The following EIF4G3 variants were observed in gnomAD, a reference collection of about 807,000 sequenced individuals.
The protein encoded by EIF4G3 is eIF-4-gamma 3.
EIF4G3 carries 34 observed loss-of-function variants against 186.4 expected under a neutral mutation model. The ratio of observed to expected loss-of-function variants is 0.18; its 90% confidence interval spans 0.14 to 0.24. EIF4G3 has a LOEUF of 0.24. Among genes scored for constraint, EIF4G3 ranks in the 10% least tolerant of loss-of-function variants. The pLI is 1.00. For missense variants in EIF4G3, 1,536 were observed against 1,948.5 expected (o/e 0.79, Z 3.99); for synonymous variants, 673 against 679.5 (o/e 0.99, Z 0.15).
intron 2 of EIF4G3, among the ~76,000 whole-genome samples, chr1:21,140,370 G>A (rs1434383052): frequency 6.6e-6 from 1 of 152,116 alleles, no homozygotes; most frequent in Non-Finnish European, 1.5e-5. Flanking sequence ...CTGGAGTGCA[G>A]TAGCGTGATC....
At chr1:20,864,426 G>T in intron 22 of EIF4G3, 50 bp downstream of exon 22, 2 of 1,335,270 alleles carry the variant, frequency 1.5e-6, no homozygotes, top group Non-Finnish European at 2.1e-6. Flanking sequence ...AAGTTCTTTT[G>T]CAACTGACAA....
chr1:21,033,413 A>C (rs1571379675), intron 4 of EIF4G3, among the ~76,000 whole-genome samples: 2 of 152,310 alleles, frequency 1.3e-5, no homozygotes, highest in East Asian at 3.9e-4. Context: ...TTGAAACCTA[A>C]CAGCAGAGCA....
In EIF4G3 at chr1:20,806,807, T is replaced by A. The variant is rs1193049149; in HGVS notation, c.*512A>T. ...AGATTTGATGCCAAAAAAAAAAAAA[T>A]CTTTCTTACCTTGTTCACCCCAAAC... On this transcript the variant is annotated 3_prime_UTR_variant, in exon 37 of 37. Coordinates refer to ENST00000602326, the MANE Select transcript of EIF4G3 (RefSeq NM_001391906.1). The A allele has an allele frequency of 6.6e-6, 1 of 151,786 alleles. No individual in the cohort carries two copies. Among genetic ancestry groups the A allele is most frequent in the East Asian group, 2.0e-4 (1 of 5,106 alleles). 9.4% of individuals were successfully genotyped at this position (151,786 alleles called of 1,614,324 possible). A position where few individuals can be genotyped will look rare whatever the true frequency, so the allele number is the denominator to read the frequency against.
Position 20,810,679 on chromosome 1 carries a change from C to T in EIF4G3, c.4744+59G>A. ...TTCGAACCCTAAATCATCTCTAAGT[C>T]CTGGCTTGGATAAATCTCACTCATT... On this transcript the variant is annotated intron_variant, in intron 36 of 36. Coordinates refer to ENST00000602326, the MANE Select transcript of EIF4G3 (RefSeq NM_001391906.1). This position sits in a 1 kb window ranked among gnomAD's most constrained non-coding sequence, Gnocchi z 4.1. 3 of 1,571,002 alleles carry T rather than the reference C, an allele frequency of 1.9e-6. No individual in the cohort carries two copies. Among genetic ancestry groups the T allele is most frequent in the Non-Finnish European group, 2.6e-6 (3 of 1,144,110 alleles).
intron 2 of EIF4G3, among the ~76,000 whole-genome samples, chr1:21,142,676 T>C (rs2097360833): frequency 6.6e-6 from 1 of 152,206 alleles, no homozygotes; most frequent in South Asian, 2.1e-4. Flanking sequence ...CACAACCTTT[T>C]TACCCACTTC....
intron 14 of EIF4G3, among the ~76,000 whole-genome samples, chr1:20,911,454 C>T (rs2093185223): frequency 6.7e-6 from 1 of 148,202 alleles, no homozygotes; most frequent in South Asian, 2.1e-4. Flanking sequence ...CCCAGCTTCT[C>T]AGGAGGCTAA....
intron 20 of EIF4G3, among the ~76,000 whole-genome samples, chr1:20,865,589 T>C (rs905547445): frequency 7.2e-5 from 11 of 152,032 alleles, no homozygotes; most frequent in Non-Finnish European, 1.6e-4. Context: ...TGTAGAGTTA[T>C]TACTTCTTTT....
At chr1:20,851,529 C>G (rs1341587870) in intron 27 of EIF4G3, 51 bp from the exon 28 acceptor site, 1 of 1,546,426 alleles carries the variant, frequency 6.5e-7, no homozygotes, top group Non-Finnish European at 8.9e-7. Flanking sequence ...CCATGTCCCC[C>G]ACATATTCAA....
chr1:21,031,016 C>A (rs1426135387), intron 4 of EIF4G3, among the ~76,000 whole-genome samples: 1 of 151,700 alleles, frequency 6.6e-6, no homozygotes, highest in Non-Finnish European at 1.5e-5. Context: ...TGAAACTCCA[C>A]CCCTACTAAA....
chr1:20,854,408 G>T (rs2154550890), intron 26 of EIF4G3, among the ~76,000 whole-genome samples: 1 of 151,932 alleles, frequency 6.6e-6, no homozygotes, highest in East Asian at 1.9e-4. Flanking sequence ...AAAAATTAAG[G>T]TCTTAGTGGC....
At position 20,986,739 on chromosome 1, in the gene EIF4G3, G is replaced by A. The variant is rs552654141; in HGVS notation, c.178-4331C>T. On this transcript the variant is annotated intron_variant, in intron 7 of 36. Transcript: ENST00000602326. Reference sequence around the variant, plus strand: ...ACTCCAGCCTGGGCGACAGAGCTCTGTCTCCAAAAAAAAAAAAAAAAAAAA... The same window carrying A: ...ACTCCAGCCTGGGCGACAGAGCTCTATCTCCAAAAAAAAAAAAAAAAAAAA... 3.3e-3 allele frequency among the ~76,000 whole-genome samples: 192 copies of A among 57,820 alleles called. 1 individual carries two copies. The highest frequency in any genetic ancestry group is 0.032 in the Middle Eastern group (2 of 62). 37.9% of individuals were successfully genotyped at this position (57,820 alleles called of 152,430 possible). A position where few individuals can be genotyped will look rare whatever the true frequency, so the allele number is the denominator to read the frequency against.
At chr1:21,142,242 G>A (rs1314058248) in intron 2 of EIF4G3, among the ~76,000 whole-genome samples, 1 of 151,916 alleles carries the variant, frequency 6.6e-6, no homozygotes, top group Non-Finnish European at 1.5e-5. Context: ...GCTCATGCCT[G>A]TAATCCCAGC....
intron 2 of EIF4G3, among the ~76,000 whole-genome samples, chr1:21,100,624 A>C (rs749185790): frequency 2.6e-5 from 4 of 152,140 alleles, no homozygotes; most frequent in Admixed American, 1.3e-4. Flanking sequence ...ACTACTCAGG[A>C]GTCTGAGGCA....
At chr1:20,958,982 A>G (rs990462927) in intron 12 of EIF4G3, among the ~76,000 whole-genome samples, 3 of 152,204 alleles carry the variant, frequency 2.0e-5, no homozygotes, top group African/African-American at 7.2e-5. Context: ...TACTAAAAGC[A>G]ATCTACAGAT....
intron 33 of EIF4G3, among the ~76,000 whole-genome samples, chr1:20,822,959 C>T (rs545676612): frequency 6.6e-6 from 1 of 152,210 alleles, no homozygotes; most frequent in South Asian, 2.1e-4. Context: ...ATTTACTGCT[C>T]GTTTCTCAGC....
chr1:20,864,814 C>G (rs780420611), intron 21 of EIF4G3, 102 bp from the exon 22 acceptor site: 11 of 1,071,762 alleles, frequency 1.0e-5, no homozygotes, highest in Admixed American at 4.2e-5. Flanking sequence ...AATCTGATAG[C>G]AAGTGTAGAA....
chr1:20,896,250 T>C (rs915762740), intron 16 of EIF4G3, among the ~76,000 whole-genome samples: 1 of 151,922 alleles, frequency 6.6e-6, no homozygotes, highest in Non-Finnish European at 1.5e-5. Flanking sequence ...CTGGGCGATG[T>C]AGTAAGACCT....
At chr1:20,812,054 C>T (rs1438042236) in intron 35 of EIF4G3, among the ~76,000 whole-genome samples, 1 of 152,162 alleles carries the variant, frequency 6.6e-6, no homozygotes, top group East Asian at 1.9e-4. Flanking sequence ...AAAGCATCCT[C>T]AGTACAAAGA....
intron 4 of EIF4G3, among the ~76,000 whole-genome samples, chr1:21,031,560 G>C (rs2092750683): frequency 6.6e-6 from 1 of 151,820 alleles, no homozygotes; most frequent in Admixed American, 6.6e-5. Context: ...TCTAAGGAAA[G>C]TAGTGTTACA....
Sources: gnomAD v4.1 joint callset for allele counts (sites outside exome capture counted in the v4.1 genomes callset) on GRCh38, gnomAD v4.1.1 for gene constraint, Gnocchi (gnomAD v3.1) non-coding constraint, MANE v1.5 for transcripts, NCBI Gene and HGNC (gene_info 2026-07-23, HGNC 2026-07-21) for gene names.